SFMBT2: variants seen among roughly 807,000 people sequenced by gnomAD.
SFMBT2 encodes scm-like with four MBT domains protein 2.
SFMBT2 carries 38 observed loss-of-function variants against 110.1 expected under a neutral mutation model. That is an observed-to-expected ratio of 0.35 (90% CI 0.27 to 0.45). SFMBT2 has a LOEUF of 0.45. Among genes scored for constraint, SFMBT2 ranks in the 20% least tolerant of loss-of-function variants. The pLI is 1.00. For missense variants in SFMBT2, 1,011 were observed against 1,094.9 expected (o/e 0.92, Z 1.08); for synonymous variants, 425 against 425.4 (o/e 1.00, Z 0.01).
chr10:7,183,769 CA>C (rs1203611634), intron 16 of SFMBT2, among the ~76,000 whole-genome samples: 1 of 152,224 alleles, frequency 6.6e-6, no homozygotes, highest in Non-Finnish European at 1.5e-5. Context: ...TTGCTTTCCT[CA>C]AATCCAATTT....
rs746429727 is a variant in SFMBT2, at chr10:7,315,104, GAAAGAAAA to G, written c.437-29158_437-29151del. ...AGAAAGAAAGAAAGAAAGAAAGAAA[GAAAGAAAA>G]AGCAAGCAAGCAAGCCAGCCAATCC... On this transcript the variant is annotated intron_variant, in intron 4 of 20. Transcript: ENST00000397167. Among the ~76,000 whole-genome samples the G allele has an allele frequency of 1.7e-3, 244 of 143,006 alleles. 4 individuals carry two copies. Among genetic ancestry groups the G allele is most frequent in the Middle Eastern group, 7.0e-3 (2 of 286 alleles). The allele number at this position is 143,006 out of a possible 152,430, so 93.8% of individuals were successfully genotyped here. A position where few individuals can be genotyped will look rare whatever the true frequency, so the allele number is the denominator to read the frequency against.
At chr10:7,231,374 A>G (rs761000589) in intron 9 of SFMBT2, among the ~76,000 whole-genome samples, 11 of 152,222 alleles carry the variant, frequency 7.2e-5, no homozygotes, top group Non-Finnish European at 1.5e-4. Flanking sequence ...AGAAAACTAT[A>G]TAGAAAAATA....
chr10:7,174,719 C>T (rs557030837), intron 17 of SFMBT2, among the ~76,000 whole-genome samples: 5 of 152,196 alleles, frequency 3.3e-5, no homozygotes, highest in Admixed American at 6.5e-5. Flanking sequence ...GGCGAGCCCT[C>T]GGTTAGGCCT....
intron 4 of SFMBT2, among the ~76,000 whole-genome samples, chr10:7,356,294 GT>G (rs1166799987): frequency 1.3e-5 from 2 of 152,158 alleles, no homozygotes; most frequent in Non-Finnish European, 2.9e-5. Flanking sequence ...TCATGTGTTC[GT>G]TTTTTTCCTG....
chr10:7,346,169 A>G (rs1844100908), intron 4 of SFMBT2, among the ~76,000 whole-genome samples: 1 of 152,246 alleles, frequency 6.6e-6, no homozygotes, highest in South Asian at 2.1e-4. Flanking sequence ...TACACACTGT[A>G]TAATTTTTGC....
chr10:7,225,725 C>T (rs1839881068), intron 10 of SFMBT2, among the ~76,000 whole-genome samples: 2 of 151,850 alleles, frequency 1.3e-5, no homozygotes, highest in African/African-American at 4.8e-5. Context: ...GACTATACTG[C>T]CATAGAAGAA....
At chr10:7,199,291 A>T (rs149605463) in intron 14 of SFMBT2, among the ~76,000 whole-genome samples, 194 of 152,298 alleles carry the variant, frequency 1.3e-3, no homozygotes, top group Middle Eastern at 3.4e-3. Context: ...AAGTTTCTTA[A>T]TGTCTATAAA....
At chr10:7,245,258 A>G (rs1840569776) in intron 8 of SFMBT2, among the ~76,000 whole-genome samples, 1 of 152,174 alleles carries the variant, frequency 6.6e-6, no homozygotes, top group African/African-American at 2.4e-5. Context: ...ATTAAAATAA[A>G]AGCTCCACAA....
chr10:7,212,813 A>G (rs1170381021), intron 11 of SFMBT2, among the ~76,000 whole-genome samples: 1 of 152,232 alleles, frequency 6.6e-6, no homozygotes, highest in Non-Finnish European at 1.5e-5. Context: ...CTCGATAGCA[A>G]AGACTTGCAA....
At chr10:7,324,421 AAAGAG>A (rs1338473141) in intron 4 of SFMBT2, among the ~76,000 whole-genome samples, 1 of 152,210 alleles carries the variant, frequency 6.6e-6, no homozygotes, top group Non-Finnish European at 1.5e-5. Context: ...CCAGAAGTAA[AAAGAG>A]AAGACGCGGA....
At chr10:7,173,678 G>A (rs2131534912) in intron 17 of SFMBT2, among the ~76,000 whole-genome samples, 1 of 152,288 alleles carries the variant, frequency 6.6e-6, no homozygotes, top group Non-Finnish European at 1.5e-5. Flanking sequence ...TAAGGATCCA[G>A]CATTCAATTA....
At chr10:7,300,557 G>A (rs536102653) in intron 4 of SFMBT2, among the ~76,000 whole-genome samples, 2 of 151,708 alleles carry the variant, frequency 1.3e-5, no homozygotes, top group South Asian at 4.2e-4. Flanking sequence ...CTCAACCCCT[G>A]CCCACCCAGC....
At chr10:7,194,156 G>A (rs747972267) in intron 15 of SFMBT2, among the ~76,000 whole-genome samples, 7 of 152,294 alleles carry the variant, frequency 4.6e-5, no homozygotes, top group Admixed American at 1.3e-4. Flanking sequence ...TTCTGAGTTT[G>A]CTTATGGGGT....
intron 7 of SFMBT2, among the ~76,000 whole-genome samples, chr10:7,254,294 C>G (rs1038355782): frequency 1.3e-5 from 2 of 152,136 alleles, no homozygotes; most frequent in African/African-American, 4.8e-5. Context: ...AGGCACCGCA[C>G]AGGAGACTAA....
intron 2 of SFMBT2, among the ~76,000 whole-genome samples, chr10:7,375,751 C>CCA (rs35306837): frequency 0.12 from 14,496 of 124,594 alleles, 890 homozygotes; most frequent in Non-Finnish European, 0.14. Flanking sequence ...AAAGAAAAAA[C>CCA]CACACACACA....
At position 7,370,055 on chromosome 10, in the gene SFMBT2, T is replaced by C. The variant is rs139767768; in HGVS notation, c.195+226A>G. 3.9e-5 allele frequency among the ~76,000 whole-genome samples: 6 copies of C among 152,238 alleles called. No individual in the cohort carries two copies. In the East Asian group the frequency reaches 9.6e-4, roughly 24 times the overall value. ...TTTATATTTTTTGTAGGGATGGGAT[T>C]TAGCCATGTTTCCCAGGCTGGTCTT... On this transcript the variant is annotated intron_variant, in intron 3 of 20. Coordinates refer to ENST00000397167, the MANE Select transcript of SFMBT2 (RefSeq NM_001387889.1).
At chr10:7,330,667 CT>C (rs1466993990) in intron 4 of SFMBT2, among the ~76,000 whole-genome samples, 3 of 152,220 alleles carry the variant, frequency 2.0e-5, no homozygotes, top group Admixed American at 1.3e-4. Context: ...TTCTTCCTCT[CT>C]CTCTGCTCCT....
chr10:7,393,528 C>T (rs1171593103), intron 1 of SFMBT2, among the ~76,000 whole-genome samples: 1 of 152,154 alleles, frequency 6.6e-6, no homozygotes, highest in East Asian at 1.9e-4. Flanking sequence ...ACTTTGTCGT[C>T]CCAGGCATTC....
At chr10:7,240,247 G>A (rs567697096) in intron 9 of SFMBT2, among the ~76,000 whole-genome samples, 1 of 152,160 alleles carries the variant, frequency 6.6e-6, no homozygotes, top group South Asian at 2.1e-4. Flanking sequence ...CATAGGTACT[G>A]TTTTGCCTCT....
Sources: allele counts gnomAD v4.1 joint callset (sites outside exome capture counted in the v4.1 genomes callset), GRCh38; gene constraint gnomAD v4.1.1; transcripts MANE v1.5; gene names NCBI Gene and HGNC (gene_info 2026-07-23, HGNC 2026-07-21).